The following CEP83 variants were observed in gnomAD, a reference collection of about 807,000 sequenced individuals.
CEP83 encodes the protein centrosomal protein of 83 kDa.
Under a neutral mutation model 101.9 loss-of-function variants are expected in CEP83, and 70 were observed. The ratio of observed to expected loss-of-function variants is 0.69; its 90% CI spans 0.57 to 0.84. The LOEUF (loss-of-function observed/expected upper bound fraction) is 0.84. CEP83 is among the 40% of genes least tolerant of loss of function. CEP83 has a pLI of 0.00. For synonymous variants in CEP83, 264 were observed against 267.9 expected (o/e 0.99, Z 0.14); for missense variants, 715 against 787.2 (o/e 0.91, Z 1.10).
chr12:94,361,257 T>G (rs573256304), intron 11 of CEP83: 3 of 152,350 alleles, frequency 2.0e-5, no homozygotes, highest in Non-Finnish European at 2.9e-5. Flanking sequence ...TCTCAGCTAC[T>G]TGGGAAGCTG....
At chr12:94,279,641 T>A in the CEP83 span, 1 of 1,614,134 alleles carries the variant, frequency 6.2e-7, no homozygotes, top group Non-Finnish European at 8.5e-7. Context: ...CTTAATGAAA[T>A]TGGTCTTGGT....
intron 6 of CEP83, among the ~76,000 whole-genome samples, chr12:94,396,559 A>AT (rs2062911785): frequency 6.6e-6 from 1 of 152,102 alleles, no homozygotes; most frequent in African/African-American, 2.4e-5. Flanking sequence ...AAGTGCTGGG[A>AT]TTACAAATAT....
intron 7 of CEP83, among the ~76,000 whole-genome samples, chr12:94,376,704 C>T (rs939404619): frequency 8.6e-4 from 103 of 119,996 alleles, no homozygotes; most frequent in African/African-American, 2.9e-3. Flanking sequence ...CACACACACA[C>T]ACACACACAC....
chr12:94,393,034 T>A (rs1402203234), intron 6 of CEP83, among the ~76,000 whole-genome samples: 1 of 152,204 alleles, frequency 6.6e-6, no homozygotes, highest in African/African-American at 2.4e-5. Context: ...CACAGCTGAA[T>A]TCTACCAGAG....
chr12:94,297,279 G>A, the CEP83 span: 1 of 1,612,276 alleles, frequency 6.2e-7, no homozygotes, highest in African/African-American at 1.3e-5. Context: ...AGCAAGAGTG[G>A]TCTCCTTGGG....
chr12:94,278,155 C>A, the CEP83 span: 3 of 386,556 alleles, frequency 7.8e-6, no homozygotes, highest in South Asian at 1.8e-5. Flanking sequence ...CCAAAAAAAA[C>A]AAAACAAAAT....
intron 14 of CEP83, among the ~76,000 whole-genome samples, 189 bp downstream of exon 14, chr12:94,331,511 C>T (rs1457863848): frequency 1.1e-4 from 16 of 151,128 alleles, no homozygotes; most frequent in East Asian, 7.9e-4. Context: ...GGGCTACAGG[C>T]GCCCGCCACT....
chr12:94,341,572 C>T (rs2059690211), intron 11 of CEP83, among the ~76,000 whole-genome samples: 1 of 149,294 alleles, frequency 6.7e-6, no homozygotes, highest in Non-Finnish European at 1.5e-5. Context: ...CCATGCAAAT[C>T]GTGTGAATTT....
At chr12:94,410,370 G>A (rs532323302) in intron 4 of CEP83, among the ~76,000 whole-genome samples, 1 of 152,286 alleles carries the variant, frequency 6.6e-6, no homozygotes, top group East Asian at 1.9e-4. Context: ...TTTACCACAT[G>A]AGAAAACTAG....
chr12:94,303,749 T>A, downstream of CEP83: 66 of 1,344,646 alleles, frequency 4.9e-5, no homozygotes, highest in East Asian at 8.2e-5. Context: ...TTTTTTTTTT[T>A]CCCCAGGAAG....
At chr12:94,312,743 A>G (rs987596796) in intron 15 of CEP83, 171 bp downstream of exon 15, 1 of 984,896 alleles carries the variant, frequency 1.0e-6, no homozygotes, top group Non-Finnish European at 1.2e-6. Context: ...TGGTTTAAAG[A>G]AACATTCAGT....
chr12:94,344,304 G>A (rs1384078684), intron 11 of CEP83, among the ~76,000 whole-genome samples: 1 of 152,128 alleles, frequency 6.6e-6, no homozygotes, highest in African/African-American at 2.4e-5. Context: ...TACACGTAAA[G>A]CAGTGATGAG....
At chr12:94,369,874 ATC>A (rs777455274) in intron 9 of CEP83, 46 bp downstream of exon 9, 2 of 944,522 alleles carry the variant, frequency 2.1e-6, no homozygotes, top group Non-Finnish European at 3.3e-6. Flanking sequence ...TTGAGTTCAT[ATC>A]TGAAAATAAG....
intron 1 of CEP83, among the ~76,000 whole-genome samples, chr12:94,439,562 A>C (rs923021799): frequency 6.6e-6 from 1 of 151,908 alleles, no homozygotes; most frequent in Non-Finnish European, 1.5e-5. Flanking sequence ...CCAACAAAAA[A>C]AAAAAAAGTC....
At chr12:94,302,681 C>A (rs1029731526), downstream of CEP83, among the ~76,000 whole-genome samples, 2 of 152,192 alleles carry the variant, frequency 1.3e-5, no homozygotes, top group African/African-American at 4.8e-5. Flanking sequence ...TGGGAGGTTA[C>A]AAGTCTTGCC....
the CEP83 span, among the ~76,000 whole-genome samples, chr12:94,287,037 A>G: frequency 1.3e-5 from 2 of 152,186 alleles, no homozygotes; most frequent in East Asian, 1.9e-4. Context: ...TTCCATGACA[A>G]TAACCATGGC....
the CEP83 span, among the ~76,000 whole-genome samples, chr12:94,272,622 C>T: frequency 6.6e-6 from 1 of 152,176 alleles, no homozygotes. Flanking sequence ...TCGAAGACTT[C>T]CCACTGGGCA....
intron 11 of CEP83, among the ~76,000 whole-genome samples, chr12:94,347,068 T>TATATATATATATATATATATATATAC (rs561705061): frequency 6.8e-6 from 1 of 147,414 alleles, no homozygotes; most frequent in Non-Finnish European, 1.5e-5. Flanking sequence ...TATATATATA[T>TATATATATATATATATATATATATAC]ACACATACAC....
chr12:94,313,609 C>T (rs1052879923), intron 14 of CEP83, among the ~76,000 whole-genome samples: 8 of 150,690 alleles, frequency 5.3e-5, no homozygotes, highest in Admixed American at 3.3e-4. Context: ...GAGGCCGAGG[C>T]GGACAGATCA....
Sources: allele counts gnomAD v4.1 joint callset (sites outside exome capture counted in the v4.1 genomes callset), GRCh38; gene constraint gnomAD v4.1.1; transcripts MANE v1.5; gene names NCBI Gene and HGNC (gene_info 2026-07-23, HGNC 2026-07-21).